SLC44A5: variants seen among roughly 807,000 people sequenced by gnomAD.
SLC44A5 encodes solute carrier family 44 member 5.
A neutral mutation model predicts 101.8 loss-of-function variants in SLC44A5; 57 were observed. The ratio of observed to expected loss-of-function variants is 0.56; its 90% CI spans 0.45 to 0.70. SLC44A5 has a LOEUF of 0.70. SLC44A5 is among the 30% of genes least tolerant of loss of function. The probability of loss-of-function intolerance (pLI) is 0.00; values close to 1 mark genes in which losing one functional copy is unlikely to be tolerated. For synonymous variants in SLC44A5, 281 were observed against 290.9 expected (o/e 0.97, Z 0.35); for missense variants, 737 against 853.1 (o/e 0.86, Z 1.70).
At chr1:75,657,385 CA>C in the SLC44A5 span, among the ~76,000 whole-genome samples, 1 of 151,670 alleles carries the variant, frequency 6.6e-6, no homozygotes, top group Non-Finnish European at 1.5e-5. Context: ...TGCGTCACTA[CA>C]AAAAATACAA....
chr1:75,460,684 A>ATCCCTTT (rs2101691894), intron 2 of SLC44A5, among the ~76,000 whole-genome samples: 1 of 152,314 alleles, frequency 6.6e-6, no homozygotes, highest in Non-Finnish European at 1.5e-5. Context: ...GATTCCAATA[A>ATCCCTTT]AAGGGATCTA....
chr1:75,215,878 A>G (rs1433915136), intron 18 of SLC44A5, 21 bp from the exon 19 acceptor site: 2 of 1,266,228 alleles, frequency 1.6e-6, no homozygotes, highest in Non-Finnish European at 2.3e-6. Context: ...GAGATATTTA[A>G]ATCTATTAAT....
chr1:75,703,849 T>C, the SLC44A5 span, among the ~76,000 whole-genome samples: 6 of 151,906 alleles, frequency 3.9e-5, no homozygotes, highest in Non-Finnish European at 5.9e-5. Context: ...TAGTATTGTC[T>C]TTACATGAAT....
chr1:75,445,646 T>C (rs986225723), intron 2 of SLC44A5, among the ~76,000 whole-genome samples: 1 of 142,688 alleles, frequency 7.0e-6, no homozygotes, highest in African/African-American at 2.6e-5. Flanking sequence ...AGATATCTTC[T>C]TTTCATTATG....
At chr1:75,499,085 T>A (rs1488031624) in intron 2 of SLC44A5, among the ~76,000 whole-genome samples, 1 of 152,168 alleles carries the variant, frequency 6.6e-6, no homozygotes, top group Non-Finnish European at 1.5e-5. Context: ...TGTAGGTTGG[T>A]AGCATAGGAG....
chr1:75,598,158 C>T (rs1674761380), intron 1 of SLC44A5, among the ~76,000 whole-genome samples: 1 of 151,894 alleles, frequency 6.6e-6, no homozygotes, highest in South Asian at 2.1e-4. Flanking sequence ...AGAAGACATA[C>T]ATGCACCCAA....
rs971298107 is a variant in SLC44A5, at chr1:75,213,785, C to T, written c.1882G>A (p.Ala628Thr). The T allele has an allele frequency of 1.2e-6, 2 of 1,610,212 alleles. No individual in the cohort carries two copies. The highest frequency in any genetic ancestry group is 1.7e-6 in the Non-Finnish European group (2 of 1,176,934). Residue 628 changes from alanine to threonine, a missense_variant, in exon 22 of 24, where the codon GCC (alanine) becomes ACC (threonine). Coordinates refer to ENST00000370859, the MANE Select transcript of SLC44A5 (RefSeq NM_001130058.2). ...LLVAGSIGVL[A>T]FLFFTQRLPV... ...AGTCTTTGTGTGAAGAATAGGAAGG[C>T]CAGAACACCTACATTGAAAAGGTAG...
intron 2 of SLC44A5, among the ~76,000 whole-genome samples, chr1:75,444,451 GAAAGAA>G (rs1230797401): frequency 7.6e-6 from 1 of 130,720 alleles, no homozygotes; most frequent in African/African-American, 2.8e-5. Context: ...AAGAAAGAAA[GAAAGAA>G]AAAGAAAAAA....
intron 2 of SLC44A5, among the ~76,000 whole-genome samples, chr1:75,411,714 GAGA>G (rs1392356036): frequency 1.3e-5 from 2 of 152,072 alleles, no homozygotes; most frequent in Non-Finnish European, 2.9e-5. Flanking sequence ...TGGTAATAGA[GAGA>G]AGGAGAGGAA....
intron 4 of SLC44A5, among the ~76,000 whole-genome samples, chr1:75,304,946 C>T (rs904946951): frequency 6.6e-6 from 1 of 152,180 alleles, no homozygotes; most frequent in African/African-American, 2.4e-5. Context: ...CTGCCCACAC[C>T]CCCATTTATC....
At chr1:75,409,789 AT>A (rs1406018204) in intron 2 of SLC44A5, among the ~76,000 whole-genome samples, 1 of 152,110 alleles carries the variant, frequency 6.6e-6, no homozygotes, top group African/African-American at 2.4e-5. Flanking sequence ...ATTGATAATT[AT>A]GTAGGGCAGG....
chr1:75,373,778 C>A (rs1333519794), intron 3 of SLC44A5, among the ~76,000 whole-genome samples: 1 of 152,126 alleles, frequency 6.6e-6, no homozygotes, highest in South Asian at 2.1e-4. Context: ...TGCCAGCTGT[C>A]TGGGAGGAGT....
intron 2 of SLC44A5, among the ~76,000 whole-genome samples, chr1:75,536,889 C>T (rs1347027248): frequency 2.2e-5 from 3 of 139,182 alleles, no homozygotes; most frequent in Non-Finnish European, 4.7e-5. Context: ...GCCTGTAGTC[C>T]CAGCTACTTG....
chr1:75,522,547 A>G (rs1157483345), intron 2 of SLC44A5, among the ~76,000 whole-genome samples: 1 of 151,860 alleles, frequency 6.6e-6, no homozygotes, highest in Non-Finnish European at 1.5e-5. Flanking sequence ...TCAGGCATCA[A>G]CTGGCAGTGC....
chr1:75,324,320 G>A (rs1656406698), intron 4 of SLC44A5, among the ~76,000 whole-genome samples: 1 of 152,144 alleles, frequency 6.6e-6, no homozygotes, highest in Admixed American at 6.5e-5. Flanking sequence ...GGATGGTTAA[G>A]CCAGATCCAC....
the SLC44A5 span, among the ~76,000 whole-genome samples, chr1:75,638,539 C>T: frequency 5.3e-5 from 8 of 152,070 alleles, no homozygotes; most frequent in South Asian, 2.1e-4. Flanking sequence ...GGAAAGCCAA[C>T]GAAAGAGCCC....
chr1:75,687,848 G>C, the SLC44A5 span, among the ~76,000 whole-genome samples: 1,367 of 152,244 alleles, frequency 9.0e-3, 20 homozygotes, highest in African/African-American at 0.031. Flanking sequence ...GGCATTTGGG[G>C]AGCTCCCCTA....
intron 6 of SLC44A5, among the ~76,000 whole-genome samples, chr1:75,273,917 T>C (rs1456975486): frequency 6.6e-6 from 1 of 152,138 alleles, no homozygotes; most frequent in Non-Finnish European, 1.5e-5. Context: ...AGCCCCTCTT[T>C]CTCTATCTTT....
the SLC44A5 span, among the ~76,000 whole-genome samples, chr1:75,659,183 T>A: frequency 2.0e-5 from 3 of 151,646 alleles, no homozygotes; most frequent in Non-Finnish European, 4.4e-5. Flanking sequence ...ACTGCTGAAT[T>A]CTACCACATG....
Sources: allele counts gnomAD v4.1 joint callset (sites outside exome capture counted in the v4.1 genomes callset), GRCh38; gene constraint gnomAD v4.1.1; transcripts MANE v1.5; gene names NCBI Gene and HGNC (gene_info 2026-07-23, HGNC 2026-07-21).